Variants in GLCE observed in about 807,000 individuals in gnomAD.
GLCE encodes glucuronic acid epimerase.
A neutral mutation model predicts 47.9 loss-of-function variants in GLCE; 19 were observed. The ratio of observed to expected loss-of-function variants is 0.40; its 90% CI spans 0.28 to 0.58. The LOEUF is 0.58. Among genes scored for constraint, GLCE ranks in the 20% least tolerant of loss-of-function variants. The pLI is 0.48. For synonymous variants in GLCE, 245 were observed against 263.4 expected, an observed-to-expected ratio of 0.93 and a Z score of 0.68; for missense variants, 556 against 743.3, an observed-to-expected ratio of 0.75 and a Z score of 2.93.
rs377377112 is a variant in GLCE, at chr15:69,210,413, T to C, written c.-14+7T>C. 6.6e-6 allele frequency: 1 copy of C among 152,142 alleles called. No individual in the cohort carries two copies. Among genetic ancestry groups the C allele is most frequent in the Non-Finnish European group, 1.5e-5 (1 of 68,000 alleles). The allele number at this position is 152,142 out of a possible 1,614,324, so 9.4% of individuals were successfully genotyped here. A position where few individuals can be genotyped will look rare whatever the true frequency, so the allele number is the denominator to read the frequency against. Reference sequence around the variant, plus strand: ...ATTCTTTCATTTGATTAAGGTAAGATTGTTTGATAAAATTTAATCATACCT... The same window carrying C: ...ATTCTTTCATTTGATTAAGGTAAGACTGTTTGATAAAATTTAATCATACCT... On this transcript the variant is annotated splice_region_variant and intron_variant, in intron 2 of 4. Coordinates refer to ENST00000261858, the MANE Select transcript of GLCE (RefSeq NM_015554.3).
At chr15:69,199,253 C>T (rs569174166) in intron 1 of GLCE, among the ~76,000 whole-genome samples, 1 of 152,046 alleles carries the variant, frequency 6.6e-6, no homozygotes, top group Non-Finnish European at 1.5e-5. Context: ...TCAAGAAAAT[C>T]AGAATACATG....
At chr15:69,221,118 C>CT (rs1268109939) in intron 2 of GLCE, among the ~76,000 whole-genome samples, 2 of 152,186 alleles carry the variant, frequency 1.3e-5, no homozygotes, top group African/African-American at 2.4e-5. Context: ...TTCCATTGAT[C>CT]TATATGTCTA....
intron 1 of GLCE, among the ~76,000 whole-genome samples, chr15:69,169,662 C>T (rs895789694): frequency 6.6e-6 from 1 of 150,966 alleles, no homozygotes; most frequent in South Asian, 2.1e-4. Context: ...TTTGTCCCTG[C>T]GATAGTTTGC....
chr15:69,166,992 G>T (rs906670710), intron 1 of GLCE, among the ~76,000 whole-genome samples: 50 of 150,178 alleles, frequency 3.3e-4, no homozygotes, highest in African/African-American at 1.2e-3. Flanking sequence ...GAAGCAGGTG[G>T]ATCACTTGAG....
chr15:69,200,898 T>C (rs1233317739), intron 1 of GLCE, among the ~76,000 whole-genome samples: 2 of 152,226 alleles, frequency 1.3e-5, no homozygotes, highest in East Asian at 3.9e-4. Context: ...AAGATCAGTT[T>C]CCTTGCTTAT....
intron 2 of GLCE, among the ~76,000 whole-genome samples, chr15:69,218,194 A>G (rs1334695866): frequency 6.7e-6 from 1 of 149,624 alleles, no homozygotes; most frequent in Non-Finnish European, 1.5e-5. Context: ...TTTATCAACT[A>G]TACTATATTG....
At chr15:69,197,050 T>C in intron 1 of GLCE, 1 of 326,628 alleles carries the variant, frequency 3.1e-6, no homozygotes, top group Admixed American at 3.2e-5. Flanking sequence ...GCAAAACCAT[T>C]ACATCTGAGA....
intron 1 of GLCE, among the ~76,000 whole-genome samples, chr15:69,165,414 A>G (rs755446635): frequency 3.4e-5 from 5 of 148,670 alleles, no homozygotes; most frequent in African/African-American, 1.2e-4. Context: ...GCCTTCACAT[A>G]TGTTCTCTCC....
intron 1 of GLCE, among the ~76,000 whole-genome samples, chr15:69,172,539 T>C (rs1173281375): frequency 1.3e-5 from 2 of 152,220 alleles, no homozygotes; most frequent in African/African-American, 4.8e-5. Flanking sequence ...TCTCATTAAG[T>C]TATTGTTTTA....
In GLCE at chr15:69,269,298, T is replaced by C. The variant is rs991925047; in HGVS notation, c.*54T>C. The C allele has an allele frequency of 7.0e-7, 1 of 1,430,152 alleles. No homozygotes were observed. The highest frequency in any genetic ancestry group is 9.8e-7 in the Non-Finnish European group (1 of 1,024,688). 88.6% of individuals were successfully genotyped at this position (1,430,152 alleles called of 1,614,324 possible). On this transcript the variant is annotated 3_prime_UTR_variant, in exon 5 of 5. Coordinates refer to ENST00000261858, the MANE Select transcript of GLCE (RefSeq NM_015554.3). The stretch of plus-strand genomic sequence containing the variant: ...TCTGCTGTACACAGAAACTACAGGC[T>C]CTGTCTCAGGAGAGCATAGGCACAT...
intron 1 of GLCE, among the ~76,000 whole-genome samples, chr15:69,186,210 T>C (rs1183856452): frequency 1.3e-5 from 2 of 152,044 alleles, no homozygotes; most frequent in Non-Finnish European, 2.9e-5. Context: ...CTCCAGGGTA[T>C]GAGGCAGGAC....
At chr15:69,182,842 C>T (rs183571397) in intron 1 of GLCE, among the ~76,000 whole-genome samples, 2 of 151,954 alleles carry the variant, frequency 1.3e-5, no homozygotes, top group East Asian at 3.9e-4. Context: ...GGTGAAACCC[C>T]GTCTCTACAA....
chr15:69,254,841 TTG>T (rs1252095537), intron 2 of GLCE, among the ~76,000 whole-genome samples: 1 of 152,178 alleles, frequency 6.6e-6, no homozygotes, highest in Non-Finnish European at 1.5e-5. Flanking sequence ...ATAGTCAGCC[TTG>T]TATTTAAAGG....
intron 1 of GLCE, among the ~76,000 whole-genome samples, chr15:69,162,485 T>A (rs1218393642): frequency 6.6e-6 from 1 of 152,138 alleles, no homozygotes; most frequent in Non-Finnish European, 1.5e-5. Context: ...CAGACAAATT[T>A]GAGTATACCA....
Position 69,270,025 on chromosome 15 carries a change from TC to T in GLCE, c.*782del, listed in dbSNP as rs2053144152. ...CCCCCATTGTGACAGTTTCTTTTTG[TC>T]ACTGTCTAGAATTTTGTATTTTATT... is the stretch of plus-strand genomic sequence containing the variant. On this transcript the variant is annotated 3_prime_UTR_variant, in exon 5 of 5. Coordinates refer to ENST00000261858, the MANE Select transcript of GLCE (RefSeq NM_015554.3). 6.6e-6 allele frequency: 1 copy of T among 152,654 alleles called. No individual in the cohort carries two copies. 9.5% of individuals were successfully genotyped at this position (152,654 alleles called of 1,614,324 possible).
intron 2 of GLCE, among the ~76,000 whole-genome samples, chr15:69,220,630 T>G (rs2052366153): frequency 6.6e-6 from 1 of 152,184 alleles, no homozygotes; most frequent in Non-Finnish European, 1.5e-5. Context: ...AATTCGGTCG[T>G]TTGCTTTTTG....
chr15:69,245,558 A>G (rs1190649853), intron 2 of GLCE, among the ~76,000 whole-genome samples: 2 of 152,056 alleles, frequency 1.3e-5, no homozygotes, highest in Non-Finnish European at 2.9e-5. Context: ...GCCACATAGA[A>G]TGAGTCTTCC....
Position 69,256,822 on chromosome 15 carries a change from C to A in GLCE, c.586+430C>A, listed in dbSNP as rs137944149. On this transcript the variant is annotated intron_variant, in intron 3 of 4. Coordinates refer to ENST00000261858, the MANE Select transcript of GLCE (RefSeq NM_015554.3). ...GGAAGGAGGTTTCAAGTCTTCAGAA[C>A]AAGACAATATGTAGATGCTTTTTCT... Among the ~76,000 whole-genome samples the A allele has an allele frequency of 1.4e-3, 215 of 152,262 alleles. 1 individual carries two copies. Among genetic ancestry groups the A allele is most frequent in the African/African-American group, 5.1e-3 (211 of 41,566 alleles).
At chr15:69,240,020 T>A (rs1221082453) in intron 2 of GLCE, among the ~76,000 whole-genome samples, 1 of 152,168 alleles carries the variant, frequency 6.6e-6, no homozygotes, top group African/African-American at 2.4e-5. Context: ...GGCTTTCCTC[T>A]TGTTTTTGGG....
Sources: allele counts gnomAD v4.1 joint callset (sites outside exome capture counted in the v4.1 genomes callset), GRCh38; gene constraint gnomAD v4.1.1; transcripts MANE v1.5; gene names NCBI Gene and HGNC (gene_info 2026-07-23, HGNC 2026-07-21).